The following ABCC4 variants were observed in gnomAD, a reference collection of about 807,000 sequenced individuals.
The protein encoded by ABCC4 is ATP binding cassette subfamily C member 4 (PEL blood group), also known as ATP-binding cassette sub-family C member 4.
A neutral mutation model predicts 168.5 loss-of-function variants in ABCC4; 102 were observed. That is an observed-to-expected ratio of 0.61 (90% CI 0.52 to 0.71). The LOEUF is 0.71. Ranked by LOEUF, ABCC4 falls within the 30% of genes least tolerant of loss-of-function variation. ABCC4 has a pLI of 0.00. For synonymous variants in ABCC4, 617 were observed against 590.7 expected (o/e 1.04, Z -0.65); for missense variants, 1,402 against 1,605.8 (o/e 0.87, Z 2.17).
At chr13:95,062,569 C>A in intron 26 of ABCC4, 135 bp downstream of exon 26, 1 of 743,804 alleles carries the variant, frequency 1.3e-6, no homozygotes, top group South Asian at 2.0e-5. Context: ...AAAATATCTG[C>A]TCATAAAAAC....
At chr13:95,047,180 T>A (rs2032613056) in intron 27 of ABCC4, among the ~76,000 whole-genome samples, 1 of 152,210 alleles carries the variant, frequency 6.6e-6, no homozygotes, top group African/African-American at 2.4e-5. Flanking sequence ...GATTTGGACA[T>A]TTTAAAATAA....
intron 1 of ABCC4, among the ~76,000 whole-genome samples, chr13:95,285,859 C>T (rs114752229): frequency 1.3e-5 from 2 of 152,100 alleles, no homozygotes; most frequent in Non-Finnish European, 2.9e-5. Context: ...AGCAGCAGAG[C>T]TATGCCTTGT....
At chr13:95,068,456 A>G (rs544236542) in intron 25 of ABCC4, among the ~76,000 whole-genome samples, 1 of 152,094 alleles carries the variant, frequency 6.6e-6, no homozygotes, top group Non-Finnish European at 1.5e-5. Flanking sequence ...GAAACCCCGG[A>G]TCCACTAAAT....
chr13:95,068,256 C>G (rs2033613051), intron 25 of ABCC4, among the ~76,000 whole-genome samples: 2 of 152,178 alleles, frequency 1.3e-5, no homozygotes, highest in Admixed American at 6.5e-5. Context: ...AAAAGTGGAA[C>G]CAACTCACCA....
chr13:95,057,645 A>C (rs937130986), intron 26 of ABCC4, among the ~76,000 whole-genome samples: 16 of 152,122 alleles, frequency 1.1e-4, no homozygotes, highest in Admixed American at 4.6e-4. Flanking sequence ...CCTAACCACG[A>C]ATTTGAGTTG....
chr13:95,125,682 A>G (rs2035734728), intron 19 of ABCC4, among the ~76,000 whole-genome samples: 1 of 152,186 alleles, frequency 6.6e-6, no homozygotes, highest in Non-Finnish European at 1.5e-5. Flanking sequence ...CATTGCCAGG[A>G]AGTATTGTAG....
intron 1 of ABCC4, among the ~76,000 whole-genome samples, chr13:95,284,491 C>G (rs2138928475): frequency 6.6e-6 from 1 of 152,300 alleles, no homozygotes; most frequent in Admixed American, 6.5e-5. Context: ...GCCCAGCCAA[C>G]TGAGCCACTT....
intron 4 of ABCC4, among the ~76,000 whole-genome samples, chr13:95,217,449 C>A (rs900626219): frequency 2.0e-5 from 3 of 152,042 alleles, no homozygotes; most frequent in Non-Finnish European, 4.4e-5. Context: ...ACAGAAGATG[C>A]GGCTGGGCAC....
At chr13:95,040,511 C>T (rs1490512036) in intron 29 of ABCC4, among the ~76,000 whole-genome samples, 1 of 152,226 alleles carries the variant, frequency 6.6e-6, no homozygotes, top group African/African-American at 2.4e-5. Flanking sequence ...GCTGGGATTA[C>T]AGGCATGAGC....
chr13:95,126,706 T>G (rs187485786), intron 19 of ABCC4, among the ~76,000 whole-genome samples: 1 of 128,584 alleles, frequency 7.8e-6, no homozygotes, highest in Non-Finnish European at 1.6e-5. Context: ...TAAAAATGCA[T>G]GAACTTTTTT....
chr13:95,216,585 A>C (rs929129052), intron 4 of ABCC4, among the ~76,000 whole-genome samples: 5 of 145,856 alleles, frequency 3.4e-5, no homozygotes, highest in Admixed American at 1.4e-4. Flanking sequence ...TAAAAGGAGC[A>C]AAGAATGTGT....
chr13:95,301,315 C>T lies in ABCC4; in HGVS notation c.-1G>A, dbSNP rs746989943. The T allele has an allele frequency of 1.0e-5, 16 of 1,587,988 alleles. No individual in the cohort carries two copies. In the East Asian group the frequency reaches 3.7e-4, roughly 37 times the overall value. ...TCACCTCCTGGTACACGGGCAGCATCTTGCCGGGCGGGGCGGGCGCGGGCC... is the reference window on the plus strand; with the variant it reads ...TCACCTCCTGGTACACGGGCAGCATTTTGCCGGGCGGGGCGGGCGCGGGCC... On this transcript the variant is annotated 5_prime_UTR_variant, in exon 1 of 31. Transcript: ENST00000645237.
At chr13:95,241,296 C>T (rs556874290) in intron 3 of ABCC4, among the ~76,000 whole-genome samples, 1 of 150,134 alleles carries the variant, frequency 6.7e-6, no homozygotes, top group South Asian at 2.1e-4. Context: ...ACCTGGGAGG[C>T]AGAGGTTGCA....
intron 14 of ABCC4, among the ~76,000 whole-genome samples, chr13:95,167,028 A>C (rs889292441): frequency 6.6e-6 from 1 of 151,926 alleles, no homozygotes; most frequent in South Asian, 2.1e-4. Flanking sequence ...CTCTACTAAA[A>C]ATACAAAAAA....
intron 25 of ABCC4, among the ~76,000 whole-genome samples, chr13:95,063,665 T>C (rs576947081): frequency 1.3e-5 from 2 of 152,204 alleles, no homozygotes; most frequent in African/African-American, 4.8e-5. Flanking sequence ...GAAACATTTG[T>C]GTCAAGTATC....
chr13:95,150,202 G>A (rs1054211186), intron 19 of ABCC4, among the ~76,000 whole-genome samples: 2 of 151,940 alleles, frequency 1.3e-5, no homozygotes, highest in Admixed American at 6.6e-5. Flanking sequence ...GGCCTCAAGC[G>A]ATCCTCCTGC....
intron 20 of ABCC4, among the ~76,000 whole-genome samples, chr13:95,106,346 T>A (rs1215347871): frequency 6.7e-6 from 1 of 149,116 alleles, no homozygotes; most frequent in Non-Finnish European, 1.5e-5. Context: ...TGTGCGTATA[T>A]ATGTGCGCGT....
At chr13:95,072,107 A>T (rs1355257542) in intron 24 of ABCC4, among the ~76,000 whole-genome samples, 1 of 152,218 alleles carries the variant, frequency 6.6e-6, no homozygotes, top group African/African-American at 2.4e-5. Context: ...CACTTCTCAC[A>T]CCTGTATTAA....
At chr13:95,124,683 ACATGGTGAAACCCTGTCT>A (rs1391422296) in intron 19 of ABCC4, among the ~76,000 whole-genome samples, 2 of 143,530 alleles carry the variant, frequency 1.4e-5, no homozygotes, top group East Asian at 4.1e-4. Flanking sequence ...CACCTGGCCA[ACATGGTGAAACCCTGTCT>A]CTACTAAAAA....
Sources: allele counts gnomAD v4.1 joint callset (sites outside exome capture counted in the v4.1 genomes callset), GRCh38; gene constraint gnomAD v4.1.1; transcripts MANE v1.5; gene names NCBI Gene and HGNC (gene_info 2026-07-23, HGNC 2026-07-21).